CCDC91: variants seen among roughly 807,000 people sequenced by gnomAD.
CCDC91 encodes the protein coiled-coil domain containing 91.
A neutral mutation model predicts 63.2 loss-of-function variants in CCDC91; 48 were observed. The observed-to-expected ratio is 0.76, with a 90% CI of 0.60 to 0.97. The LOEUF is 0.97. Ranked by LOEUF, CCDC91 falls within the 50% of genes least tolerant of loss-of-function variation. CCDC91 has a pLI of 0.00. For synonymous variants in CCDC91, 167 were observed against 165.8 expected, an observed-to-expected ratio of 1.01 and a Z score of -0.06; for missense variants, 500 against 494.6, an observed-to-expected ratio of 1.01 and a Z score of -0.10.
At position 28,306,773 on chromosome 12, in the gene CCDC91, T is replaced by A; in HGVS notation, c.299T>A (p.Ile100Asn). 1 of 1,611,454 alleles carries A rather than the reference T, an allele frequency of 6.2e-7. No individual in the cohort carries two copies. Among genetic ancestry groups the A allele is most frequent in the Non-Finnish European group, 8.5e-7 (1 of 1,178,214 alleles). The stretch of plus-strand genomic sequence containing the variant: ...CAATCAACACACACTCATCTGGATA[T>A]CTCACTTTTTCCATTGGGTTTAACT... ...IQQSTHTHLD[I>N]SLFPLGLTDE... Residue 100 changes from isoleucine (I) to asparagine (N), a missense_variant, in exon 5 of 13, where the codon ATC becomes AAC. Ile to Asn is a moderately radical substitution (Grantham distance 149). Coordinates refer to ENST00000536442, the MANE Select transcript of CCDC91 (RefSeq NM_018318.5).
chr12:28,516,532 A>G (rs1939966000), intron 12 of CCDC91, among the ~76,000 whole-genome samples: 1 of 151,926 alleles, frequency 6.6e-6, no homozygotes, highest in South Asian at 2.1e-4. Flanking sequence ...GAGCCCTGAG[A>G]GTCAGAGGTT....
chr12:28,192,587 G>A (rs1941355398), intron 1 of CCDC91, among the ~76,000 whole-genome samples: 1 of 152,090 alleles, frequency 6.6e-6, no homozygotes, highest in African/African-American at 2.4e-5. Context: ...TGGTGTTTAT[G>A]TATATCTGTT....
At chr12:28,203,902 A>G (rs1422644326) in intron 1 of CCDC91, among the ~76,000 whole-genome samples, 20 of 152,154 alleles carry the variant, frequency 1.3e-4, no homozygotes, top group Non-Finnish European at 4.4e-5. Context: ...ATTATTAAAC[A>G]CTGTGTGCTA....
chr12:28,290,432 A>T (rs1030093195), intron 3 of CCDC91, among the ~76,000 whole-genome samples: 3 of 152,154 alleles, frequency 2.0e-5, no homozygotes, highest in African/African-American at 7.2e-5. Context: ...AAGGCAGCAT[A>T]CCATTAGGTC....
chr12:28,270,342 A>G (rs1947674047), intron 3 of CCDC91, among the ~76,000 whole-genome samples: 1 of 152,138 alleles, frequency 6.6e-6, no homozygotes, highest in South Asian at 2.1e-4. Context: ...TGCTAAAGAT[A>G]TGAAGAGTTT....
At chr12:28,260,183 A>T (rs1007621829) in intron 3 of CCDC91, among the ~76,000 whole-genome samples, 2 of 152,004 alleles carry the variant, frequency 1.3e-5, no homozygotes, top group African/African-American at 4.8e-5. Flanking sequence ...TTGTAATATG[A>T]AATAGATTTG....
At chr12:28,249,275 C>T (rs1357484911) in intron 1 of CCDC91, among the ~76,000 whole-genome samples, 1 of 152,136 alleles carries the variant, frequency 6.6e-6, no homozygotes, top group Non-Finnish European at 1.5e-5. Flanking sequence ...TAGTTGTCAG[C>T]AGAAGACAGG....
intron 11 of CCDC91, among the ~76,000 whole-genome samples, chr12:28,478,296 G>T (rs915650669): frequency 2.0e-5 from 3 of 152,096 alleles, no homozygotes; most frequent in African/African-American, 7.2e-5. Flanking sequence ...GGAGCCCTCA[G>T]AAATAATGCC....
chr12:28,409,197 C>G (rs1489835264), intron 8 of CCDC91, among the ~76,000 whole-genome samples: 2 of 151,892 alleles, frequency 1.3e-5, no homozygotes, highest in African/African-American at 4.8e-5. Flanking sequence ...TTAATTTTTC[C>G]ATTATTTTAG....
intron 8 of CCDC91, among the ~76,000 whole-genome samples, chr12:28,434,594 GTTTTTTTTTTTT>G (rs376645678): frequency 0.09 from 6,711 of 74,200 alleles, 315 homozygotes; most frequent in Middle Eastern, 0.18. Flanking sequence ...CCTTGGTCTG[GTTTTTTTTTTTT>G]TTTTTTTTTT....
chr12:28,365,444 T>G (rs969974824), intron 7 of CCDC91, among the ~76,000 whole-genome samples: 58 of 152,180 alleles, frequency 3.8e-4, no homozygotes, highest in African/African-American at 1.3e-3. Flanking sequence ...ACAAGAAAAG[T>G]AATTTTTCAT....
chr12:28,456,737 G>A (rs1404288169), intron 11 of CCDC91, among the ~76,000 whole-genome samples: 1 of 152,044 alleles, frequency 6.6e-6, no homozygotes, highest in East Asian at 1.9e-4. Context: ...TAAGTTTCAT[G>A]GGGTTAAAAA....
chr12:28,257,073 G>T (rs1946503864), intron 1 of CCDC91, 129 bp from the exon 2 acceptor site: 1 of 535,234 alleles, frequency 1.9e-6, no homozygotes, highest in Non-Finnish European at 3.3e-6. Context: ...ATTCTTTTTT[G>T]CATAAAAAAT....
intron 3 of CCDC91, among the ~76,000 whole-genome samples, chr12:28,274,310 A>G (rs1423191282): frequency 6.6e-6 from 1 of 151,994 alleles, no homozygotes; most frequent in Non-Finnish European, 1.5e-5. Flanking sequence ...CTTAGGATTG[A>G]CTTGGTGATG....
chr12:28,289,938 C>T lies in CCDC91; in HGVS notation c.110-15711C>T, dbSNP rs376341247. On this transcript the variant is annotated intron_variant, in intron 3 of 12. Coordinates refer to ENST00000536442, the MANE Select transcript of CCDC91 (RefSeq NM_018318.5). Reference sequence around the variant, plus strand: ...CGATCTCCTGACCTTGTGATCCACCCGCCTCGGCCTCCCAAAGTGCTGGGA... The same window carrying T: ...CGATCTCCTGACCTTGTGATCCACCTGCCTCGGCCTCCCAAAGTGCTGGGA... Among the ~76,000 whole-genome samples the T allele has an allele frequency of 2.2e-4, 34 of 152,058 alleles. No homozygotes were observed. The South Asian group carries it at 5.2e-3, about 23-fold the overall frequency.
At chr12:28,198,556 C>G (rs1003381357) in intron 1 of CCDC91, among the ~76,000 whole-genome samples, 1 of 152,164 alleles carries the variant, frequency 6.6e-6, no homozygotes, top group Non-Finnish European at 1.5e-5. Context: ...CACCCTGAAT[C>G]AGAAGACAAG....
At chr12:28,203,966 A>G (rs1314617252) in intron 1 of CCDC91, among the ~76,000 whole-genome samples, 1 of 152,190 alleles carries the variant, frequency 6.6e-6, no homozygotes, top group Admixed American at 6.5e-5. Flanking sequence ...GGAATTTCCT[A>G]GTTAAAAAAA....
At chr12:28,504,226 A>T (rs942965918) in intron 12 of CCDC91, among the ~76,000 whole-genome samples, 1 of 151,766 alleles carries the variant, frequency 6.6e-6, no homozygotes, top group African/African-American at 2.4e-5. Context: ...TGAATATTAA[A>T]AAAGTTTCAA....
At chr12:28,535,228 A>G (rs1003122310) in intron 12 of CCDC91, among the ~76,000 whole-genome samples, 4 of 152,220 alleles carry the variant, frequency 2.6e-5, no homozygotes, top group Admixed American at 2.6e-4. Context: ...ATTTAAAGAA[A>G]TCTGGAACTA....
Sources: gnomAD v4.1 joint callset for allele counts (sites outside exome capture counted in the v4.1 genomes callset) on GRCh38, gnomAD v4.1.1 for gene constraint, MANE v1.5 for transcripts, NCBI Gene and HGNC (gene_info 2026-07-23, HGNC 2026-07-21) for gene names.